Variants in HES1 observed in about 807,000 individuals in gnomAD.
The protein encoded by HES1 is transcription factor HES-1.
A neutral mutation model predicts 21.0 loss-of-function variants in HES1; 7 were observed. The ratio of observed to expected loss-of-function variants is 0.33; its 90% CI spans 0.19 to 0.63. HES1 has a LOEUF of 0.63. Among genes scored for constraint, HES1 ranks in the 20% least tolerant of loss-of-function variants. The pLI is 0.78. For synonymous variants in HES1, 169 were observed against 171.2 expected (o/e 0.99, Z 0.10); for missense variants, 338 against 389.8 (o/e 0.87, Z 1.12).
chr3:194,136,732 T>G lies in HES1; in HGVS notation c.204+20T>G. 2 of 1,587,388 alleles carry G rather than the reference T, an allele frequency of 1.3e-6. No individual in the cohort carries two copies. The highest frequency in any genetic ancestry group is 1.7e-6 in the Non-Finnish European group (2 of 1,155,702). On this transcript the variant is annotated intron_variant, in intron 2 of 3. Transcript: ENST00000232424. ...AAAGATGTAAGTGGGGAAATGCTGC[T>G]CGCTCTTTTAATTAAAAAACAAACA...
At position 194,137,206 on chromosome 3, in the gene HES1, C is replaced by A; in HGVS notation, c.292+158C>A. ...ACGGTCTGGGGCTTATTTATAGCCA[C>A]AACTCCAAGTTGTTACTGTTCCGGA... On this transcript the variant is annotated intron_variant, in intron 3 of 3. Transcript: ENST00000232424. The surrounding 1 kb of genome is among the most constrained non-coding windows in gnomAD (Gnocchi z 5.4). The A allele has an allele frequency of 1.5e-6, 1 of 668,934 alleles. No homozygotes were observed. The highest frequency in any genetic ancestry group is 2.6e-6 in the Non-Finnish European group (1 of 378,600). The allele number at this position is 668,934 out of a possible 1,614,324, so 41.4% of individuals were successfully genotyped here.
chr3:194,137,068 T>G lies in HES1; in HGVS notation c.292+20T>G, dbSNP rs1161655024. ...TGACGGGTGAGGGCGGCTCGCCGCGTCCCCCTGTGCGGGCGTCCCGCTCGC... is the reference window on the plus strand; with the variant it reads ...TGACGGGTGAGGGCGGCTCGCCGCGGCCCCCTGTGCGGGCGTCCCGCTCGC... On this transcript the variant is annotated intron_variant, in intron 3 of 3. Coordinates refer to ENST00000232424, the MANE Select transcript of HES1 (RefSeq NM_005524.4). This position sits in a 1 kb window ranked among gnomAD's most constrained non-coding sequence, Gnocchi z 5.4. 6.2e-7 allele frequency: 1 copy of G among 1,605,086 alleles called. No homozygotes were observed. The highest frequency in any genetic ancestry group is 8.5e-7 in the Non-Finnish European group (1 of 1,172,268).
At position 194,138,119 on chromosome 3, in the gene HES1, T is replaced by TGTCATCCCC; in HGVS notation, c.733_741dup (p.Ile245_Val247dup). On this transcript the variant is annotated inframe_insertion, in exon 4 of 4. Transcript: ENST00000232424. ...ACGGGGCCTTCGCGCACAGCGGCCC[T>TGTCATCCCC]GTCATCCCCGTCTACACCAGCAACA... 1 of 1,612,656 alleles carries TGTCATCCCC rather than the reference T, an allele frequency of 6.2e-7. No individual in the cohort carries two copies. Among genetic ancestry groups the TGTCATCCCC allele is most frequent in the Non-Finnish European group, 8.5e-7 (1 of 1,179,602 alleles).
In HES1 at chr3:194,137,619, G is replaced by T; in HGVS notation, c.293-64G>T. On this transcript the variant is annotated intron_variant, in intron 3 of 3. Transcript: ENST00000232424. The surrounding 1 kb of genome is among the most constrained non-coding windows in gnomAD (Gnocchi z 5.4). ...AGGCGCGCCACAGGGACCTCCCAGGGCGGAGGCAGTGGCCACGGGGCCAGG... is the reference window on the plus strand; with the variant it reads ...AGGCGCGCCACAGGGACCTCCCAGGTCGGAGGCAGTGGCCACGGGGCCAGG... The T allele has an allele frequency of 6.8e-7, 1 of 1,474,312 alleles. No individual in the cohort carries two copies. Among genetic ancestry groups the T allele is most frequent in the Non-Finnish European group, 9.1e-7 (1 of 1,101,576 alleles). 91.3% of individuals were successfully genotyped at this position (1,474,312 alleles called of 1,614,324 possible). A position where few individuals can be genotyped will look rare whatever the true frequency, so the allele number is the denominator to read the frequency against.
In HES1 at chr3:194,138,238, G is replaced by A. The variant is rs765840154; in HGVS notation, c.*5G>A. The A allele has an allele frequency of 5.2e-5, 81 of 1,546,512 alleles. No homozygotes were observed. Among genetic ancestry groups the A allele is most frequent in the Non-Finnish European group, 6.1e-6 (7 of 1,147,674 alleles). ...TGGAGGCCGTGGCGGAACTGAGGGG[G>A]CTCAGGCCACCCCTCCTCCTAAACT... is the stretch of plus-strand genomic sequence containing the variant. On this transcript the variant is annotated 3_prime_UTR_variant, in exon 4 of 4. Transcript: ENST00000232424.
chr3:194,136,933 A>C (rs1560223173), intron 2 of HES1, 28 bp from the exon 3 acceptor site: 2 of 1,606,942 alleles, frequency 1.2e-6, no homozygotes, highest in Admixed American at 3.3e-5. Flanking sequence ...CACGGGGCTC[A>C]CTTTCCTTTC....
In HES1 at chr3:194,137,585, T is replaced by A. The variant is rs948003835; in HGVS notation, c.293-98T>A. The A allele has an allele frequency of 4.8e-5, 62 of 1,301,378 alleles. No individual in the cohort carries two copies. The highest frequency in any genetic ancestry group is 2.5e-4 in the Admixed American group (9 of 35,936). The allele number at this position is 1,301,378 out of a possible 1,614,324, so 80.6% of individuals were successfully genotyped here. ...TGCCGGAGGCAGTTTCACGGGCGCA[T>A]GGTCAGGGAGGCGCGCCACAGGGAC... On this transcript the variant is annotated intron_variant, in intron 3 of 3. Coordinates refer to ENST00000232424, the MANE Select transcript of HES1 (RefSeq NM_005524.4). The surrounding 1 kb of genome is among the most constrained non-coding windows in gnomAD (Gnocchi z 5.4).
chr3:194,136,521 C>A, intron 1 of HES1, 33 bp downstream of exon 1: 3 of 1,570,988 alleles, frequency 1.9e-6, no homozygotes, highest in Middle Eastern at 1.7e-4. Flanking sequence ...TTTGCAGCCC[C>A]TCAAAATTAA....
At position 194,137,666 on chromosome 3, in the gene HES1, C is replaced by A. The variant is rs746105170; in HGVS notation, c.293-17C>A. On this transcript the variant is annotated splice_polypyrimidine_tract_variant and intron_variant, in intron 3 of 3. Transcript: ENST00000232424. The surrounding 1 kb of genome is among the most constrained non-coding windows in gnomAD (Gnocchi z 5.4). ...CAGGGCCGTTCGGTGACCCGTCTGTCTCTTTCTGGCCCGCAGCTGCGCTGA... is the reference window on the plus strand; with the variant it reads ...CAGGGCCGTTCGGTGACCCGTCTGTATCTTTCTGGCCCGCAGCTGCGCTGA... The A allele has an allele frequency of 6.4e-7, 1 of 1,562,778 alleles. No individual in the cohort carries two copies. The highest frequency in any genetic ancestry group is 1.2e-5 in the South Asian group (1 of 83,542).
In HES1 at chr3:194,136,455, G is replaced by A; in HGVS notation, c.75G>A (p.Pro25=). Residue 25 remains proline (P), a synonymous_variant, in exon 1 of 4, where the codon CCG becomes CCA. Transcript: ENST00000232424. ...CCCCAGCCAGTGTCAACACGACACC[G>A]GATAAACCAAAGACAGCATCTGAGC... ...AATPASVNTT[P]DKPKTASEHR... The A allele has an allele frequency of 1.9e-6, 3 of 1,612,302 alleles. No homozygotes were observed. Among genetic ancestry groups the A allele is most frequent in the East Asian group, 4.5e-5 (2 of 44,860 alleles).
chr3:194,136,238 G>C lies in HES1; in HGVS notation c.-143G>C. ...GAACAGCGCTACTGATCACCAAGTA[G>C]CCACAAAATATAATAAACCCTCAGC... On this transcript the variant is annotated 5_prime_UTR_variant, in exon 1 of 4. Coordinates refer to ENST00000232424, the MANE Select transcript of HES1 (RefSeq NM_005524.4). The C allele has an allele frequency of 3.2e-6, 2 of 617,992 alleles. No homozygotes were observed. Among genetic ancestry groups the C allele is most frequent in the East Asian group, 2.8e-5 (1 of 36,040 alleles). The allele number at this position is 617,992 out of a possible 1,614,324, so 38.3% of individuals were successfully genotyped here.
rs1715380542 is a variant in HES1, at chr3:194,137,705, T to C, written c.315T>C (p.Ser105=). Residue 105 remains serine (S), a synonymous_variant, in exon 4 of 4, where the codon AGT becomes AGC. Transcript: ENST00000232424. The surrounding 1 kb of genome is among the most constrained non-coding windows in gnomAD (Gnocchi z 5.4). ...QMTAALSTDP[S]VLGKYRAGFS... ...CAGCTGCGCTGAGCACAGACCCAAG[T>C]GTGCTGGGGAAGTACCGAGCCGGCT... The C allele has an allele frequency of 3.1e-6, 5 of 1,612,528 alleles. No homozygotes were observed. In the South Asian group the frequency reaches 4.4e-5, roughly 14 times the overall value.
Position 194,137,112 on chromosome 3 carries a change from A to C in HES1, c.292+64A>C. The stretch of plus-strand genomic sequence containing the variant: ...CGCTCGCCTCGCGGTGATTTCTTCC[A>C]GACTTCCGCCCGTGGTTGTGAGAGG... On this transcript the variant is annotated intron_variant, in intron 3 of 3. Transcript: ENST00000232424. This position sits in a 1 kb window ranked among gnomAD's most constrained non-coding sequence, Gnocchi z 5.4. 1.4e-6 allele frequency: 2 copies of C among 1,389,108 alleles called. No individual in the cohort carries two copies. Among genetic ancestry groups the C allele is most frequent in the Non-Finnish European group, 2.0e-6 (2 of 976,132 alleles). 86.0% of individuals were successfully genotyped at this position (1,389,108 alleles called of 1,614,324 possible).
chr3:194,136,515 C>T (rs779402475), intron 1 of HES1, 27 bp downstream of exon 1: 50 of 1,568,730 alleles, frequency 3.2e-5, no homozygotes, highest in Non-Finnish European at 4.3e-5. Flanking sequence ...TATCTCTTTG[C>T]AGCCCCTCAA....
In HES1 at chr3:194,138,179, T is replaced by C; in HGVS notation, c.789T>C (p.Pro263=). Residue 263 remains proline, a synonymous_variant, in exon 4 of 4, where the codon CCT becomes CCC. Transcript: ENST00000232424. Reference sequence around the variant, plus strand: ...CCGTGGGCCCCAACGCAGTGTCACCTTCCAGCGGCCCCTCGCTTACGGCGG... The same window carrying C: ...CCGTGGGCCCCAACGCAGTGTCACCCTCCAGCGGCCCCTCGCTTACGGCGG... ...GTSVGPNAVS[P]SSGPSLTADS... 1 of 1,607,554 alleles carries C rather than the reference T, an allele frequency of 6.2e-7. No homozygotes were observed. The highest frequency in any genetic ancestry group is 8.5e-7 in the Non-Finnish European group (1 of 1,177,486).
Position 194,138,409 on chromosome 3 carries a change from G to A in HES1, c.*176G>A. On this transcript the variant is annotated 3_prime_UTR_variant, in exon 4 of 4. Transcript: ENST00000232424. ...GTAGAGAGAGCTGTATTAAGTGACT[G>A]ACCATGCACTATATTTGTATATATT... 2.0e-6 allele frequency: 1 copy of A among 504,230 alleles called. No individual in the cohort carries two copies. Among genetic ancestry groups the A allele is most frequent in the Non-Finnish European group, 3.3e-6 (1 of 302,258 alleles). 31.2% of individuals were successfully genotyped at this position (504,230 alleles called of 1,614,324 possible). A position where few individuals can be genotyped will look rare whatever the true frequency, so the allele number is the denominator to read the frequency against.
At position 194,137,267 on chromosome 3, in the gene HES1, G is replaced by C; in HGVS notation, c.292+219G>C. ...AAGAGGTTGCAGCCGCGAGGGTGGC[G>C]GGCGCCGGGTAGGGGCGAAAGGACT... On this transcript the variant is annotated intron_variant, in intron 3 of 3. Coordinates refer to ENST00000232424, the MANE Select transcript of HES1 (RefSeq NM_005524.4). This position sits in a 1 kb window ranked among gnomAD's most constrained non-coding sequence, Gnocchi z 5.4. The C allele has an allele frequency of 1.6e-6, 1 of 611,434 alleles. No individual in the cohort carries two copies. Among genetic ancestry groups the C allele is most frequent in the Non-Finnish European group, 2.9e-6 (1 of 345,498 alleles). The allele number at this position is 611,434 out of a possible 1,614,324, so 37.9% of individuals were successfully genotyped here.
Position 194,137,170 on chromosome 3 carries a change from C to T in HES1, c.292+122C>T. 1.3e-6 allele frequency: 1 copy of T among 797,532 alleles called. No homozygotes were observed. The highest frequency in any genetic ancestry group is 2.2e-6 in the Non-Finnish European group (1 of 463,498). The allele number at this position is 797,532 out of a possible 1,614,324, so 49.4% of individuals were successfully genotyped here. Reference sequence around the variant, plus strand: ...CTACATTTTACTGCCTTGGCTCACTCTTGCGTTCCCACGGTCTGGGGCTTA... The same window carrying T: ...CTACATTTTACTGCCTTGGCTCACTTTTGCGTTCCCACGGTCTGGGGCTTA... On this transcript the variant is annotated intron_variant, in intron 3 of 3. Coordinates refer to ENST00000232424, the MANE Select transcript of HES1 (RefSeq NM_005524.4). The surrounding 1 kb of genome is among the most constrained non-coding windows in gnomAD (Gnocchi z 5.4).
rs1254721130 is a variant in HES1, at chr3:194,137,092, G to A, written c.292+44G>A. The A allele has an allele frequency of 2.6e-6, 4 of 1,520,526 alleles. No individual in the cohort carries two copies. Among genetic ancestry groups the A allele is most frequent in the East Asian group, 2.3e-5 (1 of 44,436 alleles). The allele number at this position is 1,520,526 out of a possible 1,614,324, so 94.2% of individuals were successfully genotyped here. A position where few individuals can be genotyped will look rare whatever the true frequency, so the allele number is the denominator to read the frequency against. On this transcript the variant is annotated intron_variant, in intron 3 of 3. Coordinates refer to ENST00000232424, the MANE Select transcript of HES1 (RefSeq NM_005524.4). This position sits in a 1 kb window ranked among gnomAD's most constrained non-coding sequence, Gnocchi z 5.4. Reference sequence around the variant, plus strand: ...GTCCCCCTGTGCGGGCGTCCCGCTCGCCTCGCGGTGATTTCTTCCAGACTT... The same window carrying A: ...GTCCCCCTGTGCGGGCGTCCCGCTCACCTCGCGGTGATTTCTTCCAGACTT...
Sources: allele counts gnomAD v4.1 joint callset, GRCh38; gene constraint gnomAD v4.1.1; non-coding constraint Gnocchi (gnomAD v3.1); transcripts MANE v1.5; gene names NCBI Gene and HGNC (gene_info 2026-07-23, HGNC 2026-07-21).